MBNL1: variants seen among roughly 807,000 people sequenced by gnomAD.
MBNL1 encodes the protein muscleblind-like protein 1.
Under a neutral mutation model 42.2 loss-of-function variants are expected in MBNL1, and 8 were observed. The ratio of observed to expected loss-of-function variants is 0.19; its 90% confidence interval spans 0.11 to 0.34. The LOEUF is 0.34. Among genes scored for constraint, MBNL1 ranks in the 10% least tolerant of loss-of-function variants. The probability of loss-of-function intolerance (pLI) is 1.00; values close to 1 mark genes in which losing one functional copy is unlikely to be tolerated. For missense variants in MBNL1, 309 were observed against 495.3 expected (o/e 0.62, Z 3.57); for synonymous variants, 169 against 173.9 (o/e 0.97, Z 0.22).
At chr3:152,417,900 G>A (rs924921827) in intron 3 of MBNL1, among the ~76,000 whole-genome samples, 2 of 152,256 alleles carry the variant, frequency 1.3e-5, no homozygotes, top group South Asian at 4.2e-4. Flanking sequence ...ACTAAGCTTG[G>A]GTTATTATGC....
chr3:152,419,704 T>C (rs1251598227), intron 3 of MBNL1, among the ~76,000 whole-genome samples: 1 of 151,732 alleles, frequency 6.6e-6, no homozygotes, highest in Non-Finnish European at 1.5e-5. Flanking sequence ...TTTGTTTGTT[T>C]GTTTGTTTGT....
chr3:152,357,624 T>G (rs900944926), intron 2 of MBNL1, among the ~76,000 whole-genome samples: 72 of 152,072 alleles, frequency 4.7e-4, no homozygotes, highest in African/African-American at 1.7e-3. Context: ...GAAAGTAGAG[T>G]GGAGCAGGAG....
At chr3:152,443,879 A>G (rs2099181958) in intron 4 of MBNL1, among the ~76,000 whole-genome samples, 1 of 152,196 alleles carries the variant, frequency 6.6e-6, no homozygotes, top group Middle Eastern at 3.2e-3. Flanking sequence ...GTTTCCAAGT[A>G]GTGCAAGATA....
At chr3:152,274,279 T>C (rs73869981) in intron 1 of MBNL1, among the ~76,000 whole-genome samples, 2,583 of 152,280 alleles carry the variant, frequency 0.017, 74 homozygotes, top group African/African-American at 0.059. Flanking sequence ...AATATTATTC[T>C]ATCATATAAA....
chr3:152,436,855 C>T (rs1435937642), intron 4 of MBNL1, among the ~76,000 whole-genome samples: 1 of 152,170 alleles, frequency 6.6e-6, no homozygotes, highest in Non-Finnish European at 1.5e-5. Flanking sequence ...TGTCATTTCC[C>T]TTTTATCTGA....
upstream of MBNL1, chr3:152,265,689 C>A (rs192451023): frequency 6.6e-6 from 1 of 152,242 alleles, no homozygotes; most frequent in East Asian, 1.9e-4. Context: ...CTTGAATGGA[C>A]TGAAATATTT....
intron 2 of MBNL1, among the ~76,000 whole-genome samples, chr3:152,349,460 A>G (rs2094674368): frequency 6.6e-6 from 1 of 152,106 alleles, no homozygotes; most frequent in South Asian, 2.1e-4. Flanking sequence ...ATGTTAAAAA[A>G]TGAAAAAAAA....
At chr3:152,397,432 C>G (rs1449335162) in intron 2 of MBNL1, among the ~76,000 whole-genome samples, 1 of 152,080 alleles carries the variant, frequency 6.6e-6, no homozygotes, top group East Asian at 1.9e-4. Flanking sequence ...TGTTCAACTC[C>G]TACTTACACT....
At chr3:152,453,015 T>C (rs1726469253) in intron 6 of MBNL1, among the ~76,000 whole-genome samples, 1 of 151,732 alleles carries the variant, frequency 6.6e-6, no homozygotes, top group Non-Finnish European at 1.5e-5. Context: ...TTAATACATA[T>C]AATCATTTAT....
intron 2 of MBNL1, among the ~76,000 whole-genome samples, chr3:152,343,986 T>C (rs1304210069): frequency 6.6e-6 from 1 of 152,112 alleles, no homozygotes; most frequent in Non-Finnish European, 1.5e-5. Context: ...ATTATAAAAT[T>C]GTAATTTGTA....
intron 3 of MBNL1, among the ~76,000 whole-genome samples, chr3:152,432,423 T>TC (rs1211453261): frequency 6.6e-6 from 1 of 152,134 alleles, no homozygotes. Flanking sequence ...TCTGCATAGT[T>TC]TATCTATTTT....
chr3:152,432,121 A>G (rs1410551686), intron 3 of MBNL1, among the ~76,000 whole-genome samples: 2 of 152,216 alleles, frequency 1.3e-5, no homozygotes, highest in Non-Finnish European at 2.9e-5. Flanking sequence ...GAAAATCACC[A>G]TCAAGTAAAT....
intron 4 of MBNL1, among the ~76,000 whole-genome samples, chr3:152,442,562 T>C (rs959132552): frequency 1.3e-5 from 2 of 152,348 alleles, no homozygotes; most frequent in African/African-American, 2.4e-5. Context: ...ATTATGAGAT[T>C]AAATTTGTGA....
intron 1 of MBNL1, among the ~76,000 whole-genome samples, chr3:152,270,116 G>A (rs2040274215): frequency 6.6e-6 from 1 of 152,012 alleles, no homozygotes; most frequent in South Asian, 2.1e-4. Flanking sequence ...GGCCGGGAGA[G>A]TATGCGGCTG....
chr3:152,296,753 A>ATG (rs1390083023), intron 1 of MBNL1, among the ~76,000 whole-genome samples: 24 of 151,440 alleles, frequency 1.6e-4, no homozygotes, highest in South Asian at 2.1e-4. Context: ...ATATGTGTTC[A>ATG]TGTGTGTGTG....
At position 152,290,896 on chromosome 3, in the gene MBNL1, G is replaced by C. The variant is rs114646504; in HGVS notation, c.-789-8509G>C. On this transcript the variant is annotated intron_variant, in intron 1 of 9. Transcript: ENST00000324210. ...GTTCTACATTGACAGATTCGGGTTG[G>C]GTCACTGTACCATTCTTCCTGAAAA... 5.6e-3 allele frequency among the ~76,000 whole-genome samples: 854 copies of C among 152,086 alleles called. 9 individuals carry two copies. The highest frequency in any genetic ancestry group is 0.02 in the African/African-American group (825 of 41,498).
At chr3:152,357,157 TAGTACA>T (rs2095588029) in intron 2 of MBNL1, among the ~76,000 whole-genome samples, 1 of 152,188 alleles carries the variant, frequency 6.6e-6, no homozygotes. Flanking sequence ...GAGCCCAGTG[TAGTACA>T]AGCCCAGAGA....
At chr3:152,268,765 C>G (rs577352005), upstream of MBNL1, 982 of 452,598 alleles carry the variant, frequency 2.2e-3, 5 homozygotes, top group African/African-American at 0.018. Flanking sequence ...CGCGGGAGGG[C>G]GCCGGCGGAA....
intron 1 of MBNL1, among the ~76,000 whole-genome samples, chr3:152,277,011 T>G (rs891331759): frequency 3.3e-5 from 5 of 152,132 alleles, no homozygotes; most frequent in Non-Finnish European, 7.4e-5. Flanking sequence ...AATGGGGGTA[T>G]TAACAATTAT....
Sources: allele counts gnomAD v4.1 joint callset (sites outside exome capture counted in the v4.1 genomes callset), GRCh38; gene constraint gnomAD v4.1.1; transcripts MANE v1.5; gene names NCBI Gene and HGNC (gene_info 2026-07-23, HGNC 2026-07-21).